The following PTPN14 variants were observed in gnomAD, a reference collection of about 807,000 sequenced individuals.
The protein encoded by PTPN14 is protein tyrosine phosphatase non-receptor type 14.
A neutral mutation model predicts 126.8 loss-of-function variants in PTPN14; 53 were observed. That is an observed-to-expected ratio of 0.42 (90% CI 0.34 to 0.53). PTPN14 has a LOEUF of 0.53. Among genes scored for constraint, PTPN14 ranks in the 20% least tolerant of loss-of-function variants. The pLI, the probability that PTPN14 is intolerant of heterozygous loss-of-function variation, is 0.08. For synonymous variants in PTPN14, 630 were observed against 599.3 expected (o/e 1.05, Z -0.75); for missense variants, 1,257 against 1,552.9 (o/e 0.81, Z 3.20).
At chr1:214,368,142 T>A (rs891428346) in intron 17 of PTPN14, among the ~76,000 whole-genome samples, 1 of 152,180 alleles carries the variant, frequency 6.6e-6, no homozygotes, top group African/African-American at 2.4e-5. Context: ...TAGGGAAATA[T>A]AGGTCTTGTG....
intron 1 of PTPN14, among the ~76,000 whole-genome samples, chr1:214,514,162 C>T (rs956418219): frequency 1.3e-5 from 2 of 151,988 alleles, no homozygotes; most frequent in Non-Finnish European, 1.5e-5. Flanking sequence ...GCTACAAATT[C>T]CAGAGCAGCG....
intron 3 of PTPN14, among the ~76,000 whole-genome samples, chr1:214,436,444 T>G (rs1222339521): frequency 1.3e-5 from 2 of 152,170 alleles, no homozygotes; most frequent in African/African-American, 4.8e-5. Context: ...TTTGCCAACT[T>G]GTGGTGGATA....
intron 17 of PTPN14, among the ~76,000 whole-genome samples, chr1:214,368,834 T>G (rs1658147385): frequency 6.6e-6 from 1 of 152,088 alleles, no homozygotes; most frequent in African/African-American, 2.4e-5. Flanking sequence ...AATACAAAAA[T>G]TAGCTAGATG....
chr1:214,457,878 G>A (rs1471587545), intron 2 of PTPN14, among the ~76,000 whole-genome samples: 1 of 152,066 alleles, frequency 6.6e-6, no homozygotes, highest in Non-Finnish European at 1.5e-5. Flanking sequence ...CACATTTCAC[G>A]TGTTCCATAA....
chr1:214,474,434 G>A (rs1660826112), intron 1 of PTPN14, among the ~76,000 whole-genome samples: 2 of 152,156 alleles, frequency 1.3e-5, no homozygotes, highest in South Asian at 4.2e-4. Flanking sequence ...AGAGACAAGG[G>A]GCTGTCATTA....
intron 3 of PTPN14, among the ~76,000 whole-genome samples, chr1:214,436,980 T>A (rs1328617559): frequency 6.7e-6 from 1 of 149,344 alleles, no homozygotes; most frequent in Admixed American, 6.7e-5. Flanking sequence ...AAAATTAAGA[T>A]AACTGCTATC....
At chr1:214,466,981 G>A (rs949205138) in intron 1 of PTPN14, among the ~76,000 whole-genome samples, 1 of 152,136 alleles carries the variant, frequency 6.6e-6, no homozygotes, top group Non-Finnish European at 1.5e-5. Flanking sequence ...TTTGATACTT[G>A]CCGTGGGCAC....
In PTPN14 at chr1:214,402,491, A is replaced by G. The variant is rs1366543398; in HGVS notation, c.581+392T>C. ...ATGAGAGAACTTAGGATCACTGCATAGGCCTCGATATCAAACTCCTGGTGC... is the reference window on the plus strand; with the variant it reads ...ATGAGAGAACTTAGGATCACTGCATGGGCCTCGATATCAAACTCCTGGTGC... On this transcript the variant is annotated intron_variant, in intron 6 of 18. Coordinates refer to ENST00000366956, the MANE Select transcript of PTPN14 (RefSeq NM_005401.5). 2.0e-5 allele frequency among the ~76,000 whole-genome samples: 3 copies of G among 149,436 alleles called. No individual in the cohort carries two copies. In the East Asian group the frequency reaches 6.0e-4, roughly 30 times the overall value.
At chr1:214,423,293 T>C (rs61819570) in intron 3 of PTPN14, among the ~76,000 whole-genome samples, 6,773 of 151,978 alleles carry the variant, frequency 0.045, 170 homozygotes, top group African/African-American at 0.05. Flanking sequence ...GACCACTGCA[T>C]TCCAAGCTGA....
chr1:214,440,103 T>A (rs1660005887), intron 3 of PTPN14, among the ~76,000 whole-genome samples: 1 of 152,200 alleles, frequency 6.6e-6, no homozygotes, highest in Non-Finnish European at 1.5e-5. Context: ...CTCTCCCATG[T>A]CAGCATGCTT....
At chr1:214,526,168 G>A (rs902960885) in intron 1 of PTPN14, among the ~76,000 whole-genome samples, 1 of 151,760 alleles carries the variant, frequency 6.6e-6, no homozygotes, top group African/African-American at 2.4e-5. Context: ...TTTTCACCAT[G>A]TTGGCCAGGC....
At chr1:214,377,845 A>C in intron 14 of PTPN14, 114 bp downstream of exon 14, 1 of 1,291,364 alleles carries the variant, frequency 7.7e-7, no homozygotes, top group Non-Finnish European at 1.1e-6. Flanking sequence ...CTAATCTCAG[A>C]TTGAAGAAAG....
intron 3 of PTPN14, among the ~76,000 whole-genome samples, chr1:214,419,312 T>C (rs2102591179): frequency 6.6e-6 from 1 of 152,262 alleles, no homozygotes; most frequent in Non-Finnish European, 1.5e-5. Flanking sequence ...TTCCCTCCTC[T>C]AGAGTTCAAA....
At chr1:214,418,781 G>GT (rs1285045042) in intron 3 of PTPN14, among the ~76,000 whole-genome samples, 1 of 152,204 alleles carries the variant, frequency 6.6e-6, no homozygotes, top group Non-Finnish European at 1.5e-5. Context: ...ATTCAGATCT[G>GT]TTTTTTCTCC....
At position 214,353,516 on chromosome 1, in the gene PTPN14, A is replaced by T. The variant is rs975112925; in HGVS notation, c.*4406T>A. Reference sequence around the variant, plus strand: ...TCTTCACCATCGAATACACCATTAGATGGGGAAAGGGAGACTAGAAGGCAC... The same window carrying T: ...TCTTCACCATCGAATACACCATTAGTTGGGGAAAGGGAGACTAGAAGGCAC... On this transcript the variant is annotated 3_prime_UTR_variant, in exon 19 of 19. Transcript: ENST00000366956. The T allele has an allele frequency of 2.0e-5, 3 of 152,334 alleles. No homozygotes were observed. In the South Asian group the frequency reaches 6.2e-4, roughly 32 times the overall value. 9.4% of individuals were successfully genotyped at this position (152,334 alleles called of 1,614,324 possible).
chr1:214,458,032 T>C (rs994819822), intron 2 of PTPN14, among the ~76,000 whole-genome samples: 1 of 119,546 alleles, frequency 8.4e-6, no homozygotes, highest in Non-Finnish European at 1.7e-5. Context: ...TATCTATATC[T>C]ATACCTAGAG....
At chr1:214,486,921 C>CCT (rs5780788) in intron 1 of PTPN14, among the ~76,000 whole-genome samples, 138,925 of 152,066 alleles carry the variant, frequency 0.91, 63,580 homozygotes, top group African/African-American at 0.97. Flanking sequence ...AAGTTGACCC[C>CCT]GTCACCCAGA....
At chr1:214,381,410 C>G (rs796834020) in intron 13 of PTPN14, among the ~76,000 whole-genome samples, 33 of 152,314 alleles carry the variant, frequency 2.2e-4, no homozygotes, top group African/African-American at 7.0e-4. Flanking sequence ...AAAGCTCTCT[C>G]CCAACAGCAC....
chr1:214,488,050 A>G (rs922016574), intron 1 of PTPN14, among the ~76,000 whole-genome samples: 1 of 152,168 alleles, frequency 6.6e-6, no homozygotes, highest in Non-Finnish European at 1.5e-5. Context: ...CAAAGACCTT[A>G]CCCTATAACA....
Sources: gnomAD v4.1 joint callset for allele counts (sites outside exome capture counted in the v4.1 genomes callset) on GRCh38, gnomAD v4.1.1 for gene constraint, MANE v1.5 for transcripts, NCBI Gene and HGNC (gene_info 2026-07-23, HGNC 2026-07-21) for gene names.